AP2B1: variants seen among roughly 807,000 people sequenced by gnomAD.
AP2B1 encodes AP-2 complex subunit beta.
In AP2B1, 23 loss-of-function variants were observed where a neutral mutation model predicts 102.0. The ratio of observed to expected loss-of-function variants is 0.23; its 90% CI spans 0.16 to 0.32. The LOEUF is 0.32. AP2B1 is among the 10% of genes least tolerant of loss of function. The pLI is 1.00. For synonymous variants in AP2B1, 381 were observed against 421.2 expected, an observed-to-expected ratio of 0.90 and a Z score of 1.17; for missense variants, 541 against 1,157.4, an observed-to-expected ratio of 0.47 and a Z score of 7.73.
At chr17:35,709,343 C>T (rs782564681) in intron 19 of AP2B1, 35 bp downstream of exon 19, 3 of 1,565,288 alleles carry the variant, frequency 1.9e-6, no homozygotes, top group South Asian at 1.1e-5. Flanking sequence ...CTGAATATAC[C>T]TTTGCCCTTC....
intron 11 of AP2B1, among the ~76,000 whole-genome samples, chr17:35,640,142 C>T (rs1375706441): frequency 6.6e-6 from 1 of 151,940 alleles, no homozygotes; most frequent in Non-Finnish European, 1.5e-5. Flanking sequence ...GTCTTGAACT[C>T]CTGAACTTAG....
chr17:35,668,636 T>G (rs547288868), intron 14 of AP2B1, among the ~76,000 whole-genome samples: 1 of 152,310 alleles, frequency 6.6e-6, no homozygotes, highest in South Asian at 2.1e-4. Context: ...CTTTGCAAAC[T>G]TATTTTGTAT....
At chr17:35,665,072 CAG>C (rs1017070740) in intron 14 of AP2B1, among the ~76,000 whole-genome samples, 3 of 150,148 alleles carry the variant, frequency 2.0e-5, no homozygotes, top group African/African-American at 7.3e-5. Context: ...TGCATGGTTA[CAG>C]AGTCTTTCCA....
intron 12 of AP2B1, 39 bp from the exon 13 acceptor site, chr17:35,650,491 A>AG (rs748407155): frequency 3.7e-6 from 6 of 1,602,142 alleles, no homozygotes; most frequent in Non-Finnish European, 5.1e-6. Flanking sequence ...TATGGAGAAC[A>AG]GTTTCATCTC....
At chr17:35,670,371 G>A (rs1186200030) in intron 14 of AP2B1, among the ~76,000 whole-genome samples, 3 of 152,042 alleles carry the variant, frequency 2.0e-5, no homozygotes, top group Non-Finnish European at 4.4e-5. Flanking sequence ...TTTTTCAGTG[G>A]GGCAGCAGGT....
intron 1 of AP2B1, among the ~76,000 whole-genome samples, chr17:35,593,578 C>T (rs1051361561): frequency 6.6e-6 from 1 of 151,800 alleles, no homozygotes; most frequent in Non-Finnish European, 1.5e-5. Context: ...TGTCATAGAT[C>T]GGCAAAATTG....
chr17:35,692,983 T>G (rs1312084873), intron 18 of AP2B1, among the ~76,000 whole-genome samples: 1 of 151,960 alleles, frequency 6.6e-6, no homozygotes, highest in African/African-American at 2.4e-5. Context: ...TTATTTGGCG[T>G]TTTTTTATGT....
intron 18 of AP2B1, among the ~76,000 whole-genome samples, chr17:35,697,645 A>T (rs753721583): frequency 1.2e-4 from 18 of 152,188 alleles, no homozygotes; most frequent in Non-Finnish European, 2.9e-5. Flanking sequence ...TGATAGACAC[A>T]AAAGTGTAAG....
intron 18 of AP2B1, among the ~76,000 whole-genome samples, chr17:35,694,838 G>A (rs1488334177): frequency 6.6e-6 from 1 of 152,182 alleles, no homozygotes; most frequent in African/African-American, 2.4e-5. Context: ...AGCCGAGATT[G>A]TGCTGTTGCA....
intron 5 of AP2B1, among the ~76,000 whole-genome samples, chr17:35,611,363 A>G (rs1280374773): frequency 6.6e-6 from 1 of 152,218 alleles, no homozygotes; most frequent in East Asian, 1.9e-4. Flanking sequence ...AGGCGACTCC[A>G]GTTTGAGGCA....
intron 10 of AP2B1, among the ~76,000 whole-genome samples, chr17:35,638,903 T>C (rs1177937640): frequency 1.3e-5 from 2 of 152,124 alleles, no homozygotes; most frequent in Non-Finnish European, 2.9e-5. Flanking sequence ...TTCATTTGCC[T>C]AAAAATAAAG....
chr17:35,589,920 ACTT>A (rs2073034511), intron 1 of AP2B1, among the ~76,000 whole-genome samples: 1 of 136,666 alleles, frequency 7.3e-6, no homozygotes, highest in Non-Finnish European at 1.6e-5. Flanking sequence ...TTTTTCTGTA[ACTT>A]CTTTTTTTTT....
intron 14 of AP2B1, among the ~76,000 whole-genome samples, chr17:35,664,641 A>G (rs983786116): frequency 6.6e-6 from 1 of 152,170 alleles, no homozygotes; most frequent in African/African-American, 2.4e-5. Context: ...CGAAACATTC[A>G]TTCATTCAAT....
At chr17:35,661,368 A>G (rs777332303) in intron 14 of AP2B1, among the ~76,000 whole-genome samples, 6 of 152,218 alleles carry the variant, frequency 3.9e-5, no homozygotes, top group Non-Finnish European at 7.3e-5. Context: ...TGTTGAGAAC[A>G]TTAAACCAAA....
intron 4 of AP2B1, 135 bp from the exon 5 acceptor site, chr17:35,608,007 G>A: frequency 9.6e-7 from 1 of 1,036,358 alleles, no homozygotes; most frequent in Non-Finnish European, 1.4e-6. Context: ...GGAATAGCAT[G>A]GAAGATTGGA....
chr17:35,681,523 C>A (rs910681190), intron 17 of AP2B1, among the ~76,000 whole-genome samples: 4 of 152,178 alleles, frequency 2.6e-5, no homozygotes, highest in Non-Finnish European at 5.9e-5. Context: ...CCTACCTCAG[C>A]CTCCAGAGTA....
intron 21 of AP2B1, 88 bp downstream of exon 21, chr17:35,717,437 GA>G (rs1372479259): frequency 6.8e-7 from 1 of 1,462,404 alleles, no homozygotes; most frequent in East Asian, 2.3e-5. Flanking sequence ...GAAAGACCTG[GA>G]GGAGGTGCTT....
At position 35,711,739 on chromosome 17, in the gene AP2B1, G is replaced by A. The variant is rs587630466; in HGVS notation, c.2626+1419G>A. Reference sequence around the variant, plus strand: ...GCCCGCCTCGGCCTCCCAAAGTGCTGGGATTACAGGCATGAGCCACTGCAC... The same window carrying A: ...GCCCGCCTCGGCCTCCCAAAGTGCTAGGATTACAGGCATGAGCCACTGCAC... On this transcript the variant is annotated intron_variant, in intron 20 of 21. Coordinates refer to ENST00000610402, the MANE Select transcript of AP2B1 (RefSeq NM_001030006.2). 7.9e-5 allele frequency among the ~76,000 whole-genome samples: 12 copies of A among 152,318 alleles called. No homozygotes were observed. The South Asian group carries it at 2.1e-3, about 26-fold the overall frequency.
chr17:35,688,615 T>C (rs953626659), intron 18 of AP2B1, among the ~76,000 whole-genome samples: 1 of 152,204 alleles, frequency 6.6e-6, no homozygotes, highest in African/African-American at 2.4e-5. Context: ...CTGGACTGAC[T>C]CTGTTTTCCC....
Sources: gnomAD v4.1 joint callset for allele counts (sites outside exome capture counted in the v4.1 genomes callset) on GRCh38, gnomAD v4.1.1 for gene constraint, MANE v1.5 for transcripts, NCBI Gene and HGNC (gene_info 2026-07-23, HGNC 2026-07-21) for gene names.